Variants in ST18 observed in about 807,000 individuals in gnomAD.
The protein encoded by ST18 is ST18 C2H2C-type zinc finger transcription factor.
In ST18, 50 loss-of-function variants were observed where a neutral mutation model predicts 110.0. The observed-to-expected ratio is 0.45, with a 90% CI of 0.36 to 0.58. ST18 has a LOEUF of 0.58. Ranked by LOEUF, ST18 falls within the 20% of genes least tolerant of loss-of-function variation. The pLI is 0.00. For synonymous variants in ST18, 461 were observed against 452.4 expected, an observed-to-expected ratio of 1.02 and a Z score of -0.24; for missense variants, 1,306 against 1,280.1, an observed-to-expected ratio of 1.02 and a Z score of -0.31.
chr8:52,150,550 G>A (rs982564279), intron 15 of ST18, among the ~76,000 whole-genome samples: 1 of 152,132 alleles, frequency 6.6e-6, no homozygotes, highest in Non-Finnish European at 1.5e-5. Flanking sequence ...TATGTGAGCC[G>A]GAAATGCTTT....
intron 9 of ST18, among the ~76,000 whole-genome samples, chr8:52,179,476 T>C (rs1383626302): frequency 1.3e-5 from 2 of 152,192 alleles, no homozygotes; most frequent in Non-Finnish European, 2.9e-5. Flanking sequence ...AATACATCAT[T>C]TTCCTTCAGT....
rs183937165 is a variant in ST18 at position 52,297,702 on chromosome 8, T to C, written c.-464-67625A>G. On this transcript the variant is annotated intron_variant, in intron 2 of 25. Transcript: ENST00000689386. The stretch of plus-strand genomic sequence containing the variant: ...ATAAGAAATAATTGTAACAAACATG[T>C]AATGTATAACTAATTCCCAGATTAA... Among the ~76,000 whole-genome samples the C allele has an allele frequency of 2.6e-3, 401 of 152,314 alleles. 3 individuals are homozygous for C. Among genetic ancestry groups the C allele is most frequent in the Admixed American group, 5.5e-3 (84 of 15,288 alleles).
chr8:52,385,898 A>G (rs1836518761), intron 2 of ST18, among the ~76,000 whole-genome samples: 1 of 152,136 alleles, frequency 6.6e-6, no homozygotes, highest in African/African-American at 2.4e-5. Context: ...GTTTGAGAAT[A>G]AGGAAAACCT....
At chr8:52,354,603 T>C (rs1821843076) in intron 2 of ST18, among the ~76,000 whole-genome samples, 3 of 152,042 alleles carry the variant, frequency 2.0e-5, no homozygotes, top group African/African-American at 2.4e-5. Flanking sequence ...AATAGAAGCA[T>C]GGATAGAAAG....
At chr8:52,290,344 G>T (rs1170618872) in intron 2 of ST18, among the ~76,000 whole-genome samples, 1 of 152,226 alleles carries the variant, frequency 6.6e-6, no homozygotes, top group Non-Finnish European at 1.5e-5. Context: ...TGAACACATT[G>T]TGTTCCCGCA....
intron 15 of ST18, among the ~76,000 whole-genome samples, chr8:52,150,338 CTTCTT>C (rs1330962238): frequency 6.6e-6 from 1 of 151,882 alleles, no homozygotes; most frequent in Non-Finnish European, 1.5e-5. Context: ...AGCTTTAAAT[CTTCTT>C]TTCTAGTTTA....
At position 52,191,799 on chromosome 8, in the gene ST18, G is replaced by A. The variant is rs981090812; in HGVS notation, c.87-11487C>T. On this transcript the variant is annotated intron_variant, in intron 8 of 25. Transcript: ENST00000689386. ...AAGTGCCTGAGGTAAGAAAATATGC[G>A]GGCCCATGGGCAAAGCGAAGAGCTT... 7.2e-5 allele frequency among the ~76,000 whole-genome samples: 11 copies of A among 152,198 alleles called. No individual in the cohort carries two copies. The South Asian group carries it at 1.9e-3, about 26-fold the overall frequency.
intron 8 of ST18, among the ~76,000 whole-genome samples, chr8:52,207,336 A>G (rs955087446): frequency 6.6e-6 from 1 of 152,038 alleles, no homozygotes; most frequent in South Asian, 2.1e-4. Flanking sequence ...ACAGAAAATA[A>G]ACAAAATTAG....
At chr8:52,268,569 C>T (rs2094961820) in intron 2 of ST18, among the ~76,000 whole-genome samples, 1 of 152,054 alleles carries the variant, frequency 6.6e-6, no homozygotes, top group Non-Finnish European at 1.5e-5. Context: ...TATCATCTAT[C>T]TATCTCTATC....
chr8:52,213,568 A>C (rs912254282), intron 7 of ST18, among the ~76,000 whole-genome samples: 13 of 152,136 alleles, frequency 8.5e-5, no homozygotes, highest in Admixed American at 3.9e-4. Context: ...ATTATAATAA[A>C]ATTTATTTTC....
At position 52,409,394 on chromosome 8, in the gene ST18, C is replaced by T. The variant is rs1420538728; in HGVS notation, c.-531G>A. 6.6e-6 allele frequency: 1 copy of T among 152,178 alleles called. No homozygotes were observed. Among genetic ancestry groups the T allele is most frequent in the East Asian group, 1.9e-4 (1 of 5,198 alleles). 9.4% of individuals were successfully genotyped at this position (152,178 alleles called of 1,614,324 possible). A position where few individuals can be genotyped will look rare whatever the true frequency, so the allele number is the denominator to read the frequency against. The stretch of plus-strand genomic sequence containing the variant: ...TTTCCTGGATGTGTTCCAAAATGCT[C>T]TTATGCTATTTCTCTTAGGATTTCT... On this transcript the variant is annotated 5_prime_UTR_variant, in exon 2 of 26. Transcript: ENST00000689386.
At chr8:52,285,182 C>T (rs1046795645) in intron 2 of ST18, among the ~76,000 whole-genome samples, 3 of 152,114 alleles carry the variant, frequency 2.0e-5, no homozygotes, top group African/African-American at 7.2e-5. Flanking sequence ...ATTTGGTACC[C>T]ATTACATGAG....
intron 2 of ST18, among the ~76,000 whole-genome samples, chr8:52,369,699 G>A (rs2140578767): frequency 6.6e-6 from 1 of 152,276 alleles, no homozygotes; most frequent in Middle Eastern, 3.4e-3. Flanking sequence ...AAGAAAAAAA[G>A]AAACTTGGCT....
chr8:52,182,585 A>G (rs28611481), intron 8 of ST18, among the ~76,000 whole-genome samples: 33,786 of 152,136 alleles, frequency 0.22, 7,039 homozygotes, highest in African/African-American at 0.55. Context: ...AAGTATCTAC[A>G]ATAGTCAAAA....
At chr8:52,340,160 C>A (rs929540206) in intron 2 of ST18, among the ~76,000 whole-genome samples, 2 of 152,260 alleles carry the variant, frequency 1.3e-5, no homozygotes, top group East Asian at 3.8e-4. Flanking sequence ...TTTTGGCACA[C>A]AGCCAGGGTG....
intron 2 of ST18, among the ~76,000 whole-genome samples, chr8:52,333,954 G>T (rs574963926): frequency 6.6e-6 from 1 of 152,318 alleles, no homozygotes; most frequent in Non-Finnish European, 1.5e-5. Flanking sequence ...TGTTCTGGGG[G>T]AGTGGGTCAG....
In ST18 at chr8:52,136,662, G is replaced by C. The variant is rs752121149; in HGVS notation, c.2232-4C>G. 3 of 1,603,436 alleles carry C rather than the reference G, an allele frequency of 1.9e-6. No homozygotes were observed. The East Asian group carries it at 6.7e-5, about 36-fold the overall frequency. On this transcript the variant is annotated splice_region_variant and splice_polypyrimidine_tract_variant and intron_variant, in intron 18 of 25. Transcript: ENST00000689386. ...TGCTAAAGGACATCCAGAAACACTA[G>C]AGAGGGATGAGGAAAAAAACACAAC...
chr8:52,209,785 A>AT (rs1564080082), intron 8 of ST18, among the ~76,000 whole-genome samples: 71 of 138,694 alleles, frequency 5.1e-4, no homozygotes, highest in African/African-American at 1.6e-3. Flanking sequence ...AAAAAAAAAA[A>AT]AAAATATATA....
chr8:52,180,091 C>T (rs2068743434), intron 9 of ST18, 31 bp downstream of exon 9: 1 of 1,607,688 alleles, frequency 6.2e-7, no homozygotes, highest in Non-Finnish European at 8.5e-7. Flanking sequence ...AGCCAGGGAG[C>T]AGGTAAAGTT....
Sources: gnomAD v4.1 joint callset for allele counts (sites outside exome capture counted in the v4.1 genomes callset) on GRCh38, gnomAD v4.1.1 for gene constraint, MANE v1.5 for transcripts, NCBI Gene and HGNC (gene_info 2026-07-23, HGNC 2026-07-21) for gene names.